Variants in ACYP2 observed in about 807,000 individuals in gnomAD.
ACYP2 encodes acylphosphatase-2.
A neutral mutation model predicts 11.2 loss-of-function variants in ACYP2; 12 were observed. The ratio of observed to expected loss-of-function variants is 1.08; its 90% CI spans 0.69 to 1.74. The LOEUF is 1.74. ACYP2 is among the 40% of genes most tolerant of loss of function. ACYP2 has a pLI of 0.00. For synonymous variants in ACYP2, 43 were observed against 32.2 expected, an observed-to-expected ratio of 1.33 and a Z score of -1.13; for missense variants, 134 against 101.9, an observed-to-expected ratio of 1.31 and a Z score of -1.35.
In ACYP2 at chr2:54,162,091, CAG is replaced by C. The variant is rs570276677; in HGVS notation, c.404+23348_404+23349del. ...CTGGACCAAATCCAAATTCAGGCCT[CAG>C]AGAGTCATTTCTCAAATGCATCTTA... On this transcript the variant is annotated intron_variant, in intron 6 of 6. Coordinates refer to ENST00000607452, the MANE Select transcript of ACYP2 (RefSeq NM_001320586.2). 1.9e-3 allele frequency among the ~76,000 whole-genome samples: 293 copies of C among 152,216 alleles called. 2 individuals are homozygous for C. The highest frequency in any genetic ancestry group is 6.8e-3 in the African/African-American group (283 of 41,544).
intron 6 of ACYP2, among the ~76,000 whole-genome samples, chr2:54,213,813 G>T (rs974244141): frequency 6.6e-6 from 1 of 151,960 alleles, no homozygotes; most frequent in African/African-American, 2.4e-5. Flanking sequence ...GCCCAGGCAG[G>T]CTGGAGTGCA....
chr2:53,992,861 G>A (rs1039576434), intron 2 of ACYP2, among the ~76,000 whole-genome samples: 1 of 151,036 alleles, frequency 6.6e-6, no homozygotes, highest in Non-Finnish European at 1.5e-5. Context: ...TTCCAGTGAC[G>A]GGAAGCAAAA....
intron 6 of ACYP2, among the ~76,000 whole-genome samples, chr2:54,249,646 A>G (rs1687121746): frequency 6.6e-6 from 1 of 152,146 alleles, no homozygotes; most frequent in South Asian, 2.1e-4. Flanking sequence ...AAAACTTACT[A>G]AAAAGACAAA....
chr2:54,147,484 C>G (rs2103802411), intron 6 of ACYP2, among the ~76,000 whole-genome samples: 1 of 152,158 alleles, frequency 6.6e-6, no homozygotes, highest in South Asian at 2.1e-4. Context: ...CTGTAACATC[C>G]TTTGGTTTAC....
chr2:54,217,073 T>C (rs1372992409), intron 6 of ACYP2, among the ~76,000 whole-genome samples: 1 of 152,174 alleles, frequency 6.6e-6, no homozygotes, highest in Non-Finnish European at 1.5e-5. Flanking sequence ...AAACAGTAAT[T>C]CCATTCTTTA....
chr2:54,051,580 G>A (rs1369967387), intron 3 of ACYP2: 2 of 742,924 alleles, frequency 2.7e-6, no homozygotes, highest in African/African-American at 1.7e-5. Context: ...GTGATGTTGT[G>A]AAGAAACTAG....
chr2:54,091,489 T>TTTATTTA (rs1678227307), intron 4 of ACYP2, among the ~76,000 whole-genome samples: 1 of 143,656 alleles, frequency 7.0e-6, no homozygotes, highest in Non-Finnish European at 1.5e-5. Flanking sequence ...ACTCTCTTGA[T>TTTATTTA]TTTATTTATT....
chr2:54,115,428 G>T (rs912286527), intron 4 of ACYP2, 187 bp from the exon 1 acceptor site: 1 of 742,418 alleles, frequency 1.3e-6, no homozygotes, highest in Non-Finnish European at 2.1e-6. Context: ...GCGCTGTGGA[G>T]ACAGCATCCT....
At chr2:54,005,377 T>C (rs1350681372) in intron 2 of ACYP2, among the ~76,000 whole-genome samples, 1 of 151,610 alleles carries the variant, frequency 6.6e-6, no homozygotes, top group African/African-American at 2.4e-5. Flanking sequence ...TCTTATTCTG[T>C]TTCCCAGGCT....
intron 2 of ACYP2, among the ~76,000 whole-genome samples, chr2:53,979,306 A>T (rs1426663543): frequency 6.6e-6 from 1 of 152,038 alleles, no homozygotes; most frequent in Non-Finnish European, 1.5e-5. Context: ...AAAATATATA[A>T]AAGTTTTAAA....
At chr2:54,002,090 A>G (rs951347646) in intron 2 of ACYP2, among the ~76,000 whole-genome samples, 12 of 152,156 alleles carry the variant, frequency 7.9e-5, no homozygotes, top group African/African-American at 2.9e-4. Flanking sequence ...ATGTACAATA[A>G]TATGTTTCCA....
chr2:54,120,227 G>GT (rs1276152012), intron 4 of ACYP2, among the ~76,000 whole-genome samples: 1 of 151,976 alleles, frequency 6.6e-6, no homozygotes, highest in African/African-American at 2.4e-5. Flanking sequence ...GGAGCTCCAC[G>GT]TTTTTTCCCC....
intron 6 of ACYP2, among the ~76,000 whole-genome samples, chr2:54,146,417 T>A (rs983541662): frequency 6.6e-6 from 1 of 151,750 alleles, no homozygotes; most frequent in African/African-American, 2.4e-5. Context: ...CTTTTAGAAC[T>A]TCTGTATGGA....
chr2:54,269,998 G>A (rs552398108), intron 6 of ACYP2, among the ~76,000 whole-genome samples: 1 of 151,998 alleles, frequency 6.6e-6, no homozygotes, highest in Non-Finnish European at 1.5e-5. Context: ...ATCCTTCCAA[G>A]AATTTATTTA....
chr2:54,252,721 G>C (rs1406546485), intron 6 of ACYP2, among the ~76,000 whole-genome samples: 2 of 151,974 alleles, frequency 1.3e-5, no homozygotes, highest in South Asian at 2.1e-4. Flanking sequence ...TTGTTAACAC[G>C]GTGAAACCCC....
intron 4 of ACYP2, among the ~76,000 whole-genome samples, chr2:54,088,315 G>A (rs1244896245): frequency 1.3e-5 from 2 of 152,160 alleles, no homozygotes; most frequent in African/African-American, 4.8e-5. Context: ...GGAGTGGAGG[G>A]ACCTCAGCTT....
chr2:54,111,537 T>C (rs887457235), intron 4 of ACYP2, among the ~76,000 whole-genome samples: 1 of 152,238 alleles, frequency 6.6e-6, no homozygotes, highest in Admixed American at 6.5e-5. Context: ...AGAAATCTGC[T>C]TTGCTGATAG....
At chr2:54,096,611 C>T (rs1292623710) in intron 4 of ACYP2, among the ~76,000 whole-genome samples, 1 of 152,138 alleles carries the variant, frequency 6.6e-6, no homozygotes. Context: ...CTGGCGGATC[C>T]CTCGCGGTTA....
At chr2:54,075,827 C>T (rs77308271) in intron 4 of ACYP2, among the ~76,000 whole-genome samples, 7,414 of 151,960 alleles carry the variant, frequency 0.049, 253 homozygotes, top group Non-Finnish European at 0.064. Flanking sequence ...AAAAAAAATT[C>T]TCGTAATAAA....
Sources: gnomAD v4.1 joint callset for allele counts (sites outside exome capture counted in the v4.1 genomes callset) on GRCh38, gnomAD v4.1.1 for gene constraint, MANE v1.5 for transcripts, NCBI Gene and HGNC (gene_info 2026-07-23, HGNC 2026-07-21) for gene names.